Variants in HNRNPU observed in about 807,000 individuals in gnomAD.
HNRNPU encodes the protein HNRNPU antisense RNA 1.
HNRNPU carries 5 observed loss-of-function variants against 94.7 expected under a neutral mutation model. The ratio of observed to expected loss-of-function variants is 0.05; its 90% CI spans 0.03 to 0.11. The LOEUF (loss-of-function observed/expected upper bound fraction) is 0.11, where lower values mean the gene tolerates loss of function less well. Ranked by LOEUF, HNRNPU falls within the 10% of genes least tolerant of loss-of-function variation. The pLI is 1.00. For missense variants in HNRNPU, 710 were observed against 1,049.2 expected, an observed-to-expected ratio of 0.68 and a Z score of 4.47; for synonymous variants, 434 against 381.6, an observed-to-expected ratio of 1.14 and a Z score of -1.60.
At chr1:244,859,531 C>T in intron 4 of HNRNPU, 157 bp from the exon 5 acceptor site, 1 of 481,030 alleles carries the variant, frequency 2.1e-6, no homozygotes, top group Non-Finnish European at 3.7e-6. Context: ...GAACTTTAAA[C>T]TGATGTGCTT....
At chr1:244,863,246 T>A (rs934309758) in intron 1 of HNRNPU, 4 of 163,830 alleles carry the variant, frequency 2.4e-5, no homozygotes, top group Non-Finnish European at 3.8e-5. Context: ...CCCCGAGACA[T>A]GTGCCCGCAC....
At chr1:244,860,245 G>T in intron 4 of HNRNPU, 90 bp downstream of exon 4, 1 of 1,118,362 alleles carries the variant, frequency 8.9e-7, no homozygotes. Flanking sequence ...AGGTTGCAGT[G>T]AGCCTAGGTC....
chr1:244,861,556 T>C (rs1167920451), intron 3 of HNRNPU: 2 of 152,230 alleles, frequency 1.3e-5, no homozygotes, highest in Non-Finnish European at 2.9e-5. Context: ...TTGACACTCT[T>C]ACAAATCTGA....
intron 4 of HNRNPU, chr1:244,859,600 A>G (rs754740063): frequency 4.8e-5 from 16 of 331,640 alleles, no homozygotes; most frequent in Admixed American, 9.4e-5. Context: ...AGAATACTTA[A>G]TATTTTTAAA....
chr1:244,860,579 T>C (rs1680800314), intron 3 of HNRNPU, 105 bp from the exon 4 acceptor site: 3 of 817,690 alleles, frequency 3.7e-6, no homozygotes, highest in South Asian at 1.8e-5. Flanking sequence ...TTCTTAATGC[T>C]GCACAACTTT....
intron 3 of HNRNPU, chr1:244,861,732 T>C (rs1329483262): frequency 8.3e-6 from 1 of 120,668 alleles, no homozygotes; most frequent in Non-Finnish European, 1.7e-5. Context: ...CCAACTACGT[T>C]TTTTTGTAAC....
At position 244,860,691 on chromosome 1, in the gene HNRNPU, T is replaced by C. The variant is rs191545568; in HGVS notation, c.878-217A>G. ...CTGAAAAGTAAACTGCCTGTGAAAC[T>C]AATACCAAGGTTTAACATGTATATT... On this transcript the variant is annotated intron_variant, in intron 3 of 13. Transcript: ENST00000640218. 1.5e-3 allele frequency: 891 copies of C among 578,538 alleles called. 3 individuals are homozygous for C. Among genetic ancestry groups the C allele is most frequent in the East Asian group, 2.1e-3 (70 of 34,110 alleles). The allele number at this position is 578,538 out of a possible 1,614,324, so 35.8% of individuals were successfully genotyped here. A position where few individuals can be genotyped will look rare whatever the true frequency, so the allele number is the denominator to read the frequency against.
chr1:244,863,394 C>CAA (rs1680900704), intron 1 of HNRNPU, among the ~76,000 whole-genome samples: 1 of 133,386 alleles, frequency 7.5e-6, no homozygotes, highest in Non-Finnish European at 1.6e-5. Flanking sequence ...CTGCCACCGC[C>CAA]GACACACACA....
chr1:244,863,568 C>A (rs771397689), intron 1 of HNRNPU, 49 bp downstream of exon 1: 2 of 1,368,414 alleles, frequency 1.5e-6, no homozygotes, highest in African/African-American at 1.5e-5. Context: ...GCACGGTCCC[C>A]ACCCCGCGCG....
intron 4 of HNRNPU, 111 bp from the exon 5 acceptor site, chr1:244,859,485 A>G (rs1408861550): frequency 3.3e-6 from 2 of 604,344 alleles, no homozygotes; most frequent in African/African-American, 3.7e-5. Flanking sequence ...ATAAATACAA[A>G]GAAGGCACAC....
chr1:244,864,431 G>A lies in HNRNPU; in HGVS notation c.-124C>T, dbSNP rs914142460. 2 of 1,508,028 alleles carry A rather than the reference G, an allele frequency of 1.3e-6. No homozygotes were observed. Among genetic ancestry groups the A allele is most frequent in the Non-Finnish European group, 1.8e-6 (2 of 1,118,420 alleles). The allele number at this position is 1,508,028 out of a possible 1,614,324, so 93.4% of individuals were successfully genotyped here. A position where few individuals can be genotyped will look rare whatever the true frequency, so the allele number is the denominator to read the frequency against. On this transcript the variant is annotated 5_prime_UTR_variant, in exon 1 of 14. Coordinates refer to ENST00000640218, the MANE Select transcript of HNRNPU (RefSeq NM_031844.3). ...GCGGCTGCGGCTGCGGCTGGAGATG[G>A]GTTCGTGCTGCAGAGCGGATCCGCC...
intron 4 of HNRNPU, chr1:244,859,982 G>A (rs1573333426): frequency 1.1e-5 from 2 of 186,486 alleles, no homozygotes; most frequent in African/African-American, 4.7e-5. Context: ...GGGCAACATG[G>A]TGAGACCTTG....
Position 244,857,680 on chromosome 1 carries a change from G to C in HNRNPU, c.1532C>G (p.Thr511Ser). ...TGCTGCATGTTTAGTAACCCAGGTA[G>C]TTTTTCCAGCTCCTGGCAAGCCAAT... Reference protein sequence around the residue: ...MMIGLPGAGKTTWVTKHAAEN... With the variant: ...MMIGLPGAGKSTWVTKHAAEN... Residue 511 changes from threonine (T) to serine (S), a missense_variant, in exon 8 of 14, where the codon ACT becomes AGT. Physicochemically the swap from Thr to Ser is moderately conservative, Grantham distance 58. This residue lies in a region of HNRNPU where 150 missense variants were observed against 187.9 expected (regional missense o/e 0.80). Coordinates refer to ENST00000640218, the MANE Select transcript of HNRNPU (RefSeq NM_031844.3). 6.2e-7 allele frequency: 1 copy of C among 1,613,910 alleles called. No individual in the cohort carries two copies. The highest frequency in any genetic ancestry group is 8.5e-7 in the Non-Finnish European group (1 of 1,179,792).
chr1:244,855,708 T>C (rs1013848842), intron 11 of HNRNPU, 100 bp from the exon 12 acceptor site: 3 of 1,383,020 alleles, frequency 2.2e-6, no homozygotes, highest in African/African-American at 2.9e-5. Flanking sequence ...CCAAAAATAA[T>C]TGTTTAAAGA....
At position 244,858,285 on chromosome 1, in the gene HNRNPU, GA is replaced by G; in HGVS notation, c.1231-12del. The G allele has an allele frequency of 1.9e-6, 3 of 1,602,592 alleles. No homozygotes were observed. Among genetic ancestry groups the G allele is most frequent in the South Asian group, 1.1e-5 (1 of 89,146 alleles). The stretch of plus-strand genomic sequence containing the variant: ...ATCACTTTCAAAGTTCTGTTACACA[GA>G]AAAAAATTCAACAGTTAAAATCTGC... On this transcript the variant is annotated splice_polypyrimidine_tract_variant and intron_variant, in intron 6 of 13. Coordinates refer to ENST00000640218, the MANE Select transcript of HNRNPU (RefSeq NM_031844.3).
At chr1:244,855,778 CATGA>C in intron 11 of HNRNPU, 122 bp downstream of exon 11, 1 of 1,281,136 alleles carries the variant, frequency 7.8e-7, no homozygotes, top group Non-Finnish European at 1.1e-6. Context: ...TATCAAATCA[CATGA>C]ATACTTTAGT....
At chr1:244,863,372 A>G (rs1026291569) in intron 1 of HNRNPU, among the ~76,000 whole-genome samples, 4 of 148,310 alleles carry the variant, frequency 2.7e-5, no homozygotes, top group Non-Finnish European at 4.5e-5. Flanking sequence ...CTCGAGCCAC[A>G]TAATGGAGGC....
At chr1:244,856,940 T>A in intron 8 of HNRNPU, 84 bp from the exon 9 acceptor site, 1 of 1,094,300 alleles carries the variant, frequency 9.1e-7, no homozygotes, top group South Asian at 1.5e-5. Context: ...TATCTATATG[T>A]AAAGCAGGCA....
chr1:244,854,124 G>T lies in HNRNPU; in HGVS notation c.*326C>A. 1 of 252,024 alleles carries T rather than the reference G, an allele frequency of 4.0e-6. No individual in the cohort carries two copies. The allele number at this position is 252,024 out of a possible 1,614,324, so 15.6% of individuals were successfully genotyped here. On this transcript the variant is annotated 3_prime_UTR_variant, in exon 14 of 14. Coordinates refer to ENST00000640218, the MANE Select transcript of HNRNPU (RefSeq NM_031844.3). ...TGGGGGGAGTAAATTCTTAATAAAAGACACCAGGTACAAAGCAACATTTTA... is the reference window on the plus strand; with the variant it reads ...TGGGGGGAGTAAATTCTTAATAAAATACACCAGGTACAAAGCAACATTTTA...
Sources: allele counts gnomAD v4.1 joint callset (sites outside exome capture counted in the v4.1 genomes callset), GRCh38; gene constraint gnomAD v4.1.1; regional missense constraint gnomAD v4.1.1; transcripts MANE v1.5; gene names NCBI Gene and HGNC (gene_info 2026-07-23, HGNC 2026-07-21).